The following EXOC4 variants were observed in gnomAD, a reference collection of about 807,000 sequenced individuals.
The protein encoded by EXOC4 is exocyst complex component 4, also known as SEC8-like 1.
In EXOC4, 71 loss-of-function variants were observed where a neutral mutation model predicts 107.2. The ratio of observed to expected loss-of-function variants is 0.66; its 90% CI spans 0.55 to 0.81. The LOEUF (loss-of-function observed/expected upper bound fraction) is 0.81. Among genes scored for constraint, EXOC4 ranks in the 30% least tolerant of loss-of-function variants. EXOC4 has a pLI of 0.00. For missense variants in EXOC4, 1,108 were observed against 1,189.6 expected (o/e 0.93, Z 1.01); for synonymous variants, 456 against 441.2 (o/e 1.03, Z -0.42).
chr7:133,324,464 A>G (rs964837526), intron 5 of EXOC4, among the ~76,000 whole-genome samples: 59 of 152,102 alleles, frequency 3.9e-4, no homozygotes, highest in African/African-American at 1.3e-3. Flanking sequence ...TCATTTTGTT[A>G]TGTACCCAGT....
chr7:134,077,743 G>A, the EXOC4 span, among the ~76,000 whole-genome samples: 22 of 152,344 alleles, frequency 1.4e-4, no homozygotes, highest in African/African-American at 4.8e-4. Context: ...AAGCAACCCA[G>A]ATGTCTGTTA....
intron 9 of EXOC4, among the ~76,000 whole-genome samples, chr7:133,565,493 G>A (rs1053790094): frequency 1.3e-5 from 2 of 152,106 alleles, no homozygotes; most frequent in Non-Finnish European, 1.5e-5. Context: ...TTGAGGACTC[G>A]TTAAAACACA....
intron 3 of EXOC4, among the ~76,000 whole-genome samples, chr7:133,292,548 T>C (rs1050597929): frequency 6.6e-6 from 1 of 152,208 alleles, no homozygotes. Flanking sequence ...TTTTCTTTTT[T>C]AATTGACCTT....
chr7:133,645,086 CTTTTTTTTT>C (rs35058872), intron 10 of EXOC4, among the ~76,000 whole-genome samples: 2 of 123,966 alleles, frequency 1.6e-5, no homozygotes, highest in African/African-American at 6.2e-5. Context: ...CTTCTGCCAC[CTTTTTTTTT>C]TTTTTTTTTT....
chr7:133,351,181 C>T (rs1335623377), intron 5 of EXOC4, among the ~76,000 whole-genome samples: 1 of 151,830 alleles, frequency 6.6e-6, no homozygotes, highest in Non-Finnish European at 1.5e-5. Flanking sequence ...TATTATACTG[C>T]TTTTATCTGG....
intron 14 of EXOC4, among the ~76,000 whole-genome samples, chr7:133,981,691 C>T (rs115261764): frequency 0.01 from 1,596 of 152,020 alleles, 18 homozygotes; most frequent in African/African-American, 0.036. Context: ...AAACAGGTGG[C>T]GATTCCTCAA....
At position 133,650,064 on chromosome 7, in the gene EXOC4, A is replaced by G. The variant is rs535615430; in HGVS notation, c.1514+19923A>G. Among the ~76,000 whole-genome samples, 368 of 152,272 alleles carry G rather than the reference A, an allele frequency of 2.4e-3. 2 individuals are homozygous for G. Among genetic ancestry groups the G allele is most frequent in the Non-Finnish European group, 4.6e-3 (315 of 68,026 alleles). ...AAAACTACTCAAAACAGACTTGGTT[A>G]ATACTCTGAACCAGCTTGGAATACA... is the stretch of plus-strand genomic sequence containing the variant. On this transcript the variant is annotated intron_variant, in intron 10 of 17. Coordinates refer to ENST00000253861, the MANE Select transcript of EXOC4 (RefSeq NM_021807.4).
chr7:133,398,409 A>G (rs905912096), intron 7 of EXOC4, among the ~76,000 whole-genome samples: 1 of 152,236 alleles, frequency 6.6e-6, no homozygotes, highest in Non-Finnish European at 1.5e-5. Flanking sequence ...GGGCTGTAGC[A>G]GCATTTTTCT....
At chr7:133,483,112 A>G (rs1799193199) in intron 9 of EXOC4, among the ~76,000 whole-genome samples, 1 of 152,224 alleles carries the variant, frequency 6.6e-6, no homozygotes, top group East Asian at 1.9e-4. Context: ...GCAAGAGCAA[A>G]ATACTATTTT....
chr7:133,687,386 C>A (rs1279752906), intron 10 of EXOC4, among the ~76,000 whole-genome samples: 1 of 151,820 alleles, frequency 6.6e-6, no homozygotes, highest in South Asian at 2.1e-4. Context: ...ACCACCTGTT[C>A]CCTAAAAACC....
In EXOC4 at chr7:133,835,981, C is replaced by T. The variant is rs1431894385; in HGVS notation, c.1734+18437C>T. ...AAATAATTAATTGCCTTAGTGCTAGCTTAGCAAATGCAAATACCTCAATTA... is the reference window on the plus strand; with the variant it reads ...AAATAATTAATTGCCTTAGTGCTAGTTTAGCAAATGCAAATACCTCAATTA... On this transcript the variant is annotated intron_variant, in intron 11 of 17. Transcript: ENST00000253861. 2.0e-5 allele frequency among the ~76,000 whole-genome samples: 3 copies of T among 152,142 alleles called. No individual in the cohort carries two copies. The East Asian group carries it at 5.8e-4, about 29-fold the overall frequency.
intron 10 of EXOC4, among the ~76,000 whole-genome samples, chr7:133,684,149 T>G (rs1380681939): frequency 6.6e-6 from 1 of 152,220 alleles, no homozygotes; most frequent in Non-Finnish European, 1.5e-5. Flanking sequence ...AGCATAGATA[T>G]AAGGAACTTG....
At chr7:133,338,748 CTTTT>C (rs67620822) in intron 5 of EXOC4, among the ~76,000 whole-genome samples, 11 of 87,036 alleles carry the variant, frequency 1.3e-4, no homozygotes, top group African/African-American at 1.6e-4. Flanking sequence ...ATGGTGTAGT[CTTTT>C]TTTTTTTTTT....
chr7:133,350,386 A>G (rs2150645013), intron 5 of EXOC4, among the ~76,000 whole-genome samples: 1 of 151,988 alleles, frequency 6.6e-6, no homozygotes, highest in African/African-American at 2.4e-5. Flanking sequence ...CATTTTTTGT[A>G]TGTAGATATT....
intron 10 of EXOC4, chr7:133,733,517 A>G (rs910736208): frequency 1.8e-4 from 27 of 152,258 alleles, no homozygotes; most frequent in African/African-American, 6.3e-4. Flanking sequence ...TAAAGATAAA[A>G]AAAGGAAAAT....
chr7:133,695,064 G>A (rs764575562), intron 10 of EXOC4, among the ~76,000 whole-genome samples: 9 of 152,016 alleles, frequency 5.9e-5, no homozygotes, highest in African/African-American at 1.7e-4. Flanking sequence ...TCAGGTAATC[G>A]GCCCACCTCG....
chr7:133,846,075 C>T (rs1798121852), intron 11 of EXOC4, among the ~76,000 whole-genome samples: 1 of 152,082 alleles, frequency 6.6e-6, no homozygotes, highest in African/African-American at 2.4e-5. Context: ...AAACGTCACA[C>T]TTACTTTATT....
chr7:133,923,285 C>A (rs1417606031), intron 13 of EXOC4, among the ~76,000 whole-genome samples: 1 of 151,958 alleles, frequency 6.6e-6, no homozygotes, highest in Non-Finnish European at 1.5e-5. Flanking sequence ...CCCACCACAA[C>A]GCCTGGCTGA....
At chr7:133,903,617 G>T (rs1428469143) in intron 12 of EXOC4, among the ~76,000 whole-genome samples, 1 of 152,196 alleles carries the variant, frequency 6.6e-6, no homozygotes, top group Non-Finnish European at 1.5e-5. Context: ...GCAGATCAGT[G>T]CTTAAATTTA....
Sources: allele counts gnomAD v4.1 joint callset (sites outside exome capture counted in the v4.1 genomes callset), GRCh38; gene constraint gnomAD v4.1.1; transcripts MANE v1.5; gene names NCBI Gene and HGNC (gene_info 2026-07-23, HGNC 2026-07-21).